LDLRAD3: variants seen among roughly 807,000 people sequenced by gnomAD.
The protein encoded by LDLRAD3 is low-density lipoprotein receptor class A domain-containing protein 3.
In LDLRAD3, 20 loss-of-function variants were observed where a neutral mutation model predicts 29.4. The ratio of observed to expected loss-of-function variants is 0.68; its 90% CI spans 0.48 to 0.99. The LOEUF (loss-of-function observed/expected upper bound fraction) is 0.99, where lower values mean the gene tolerates loss of function less well. Ranked by LOEUF, LDLRAD3 falls within the 50% of genes least tolerant of loss-of-function variation. LDLRAD3 has a pLI of 0.00. For synonymous variants in LDLRAD3, 157 were observed against 192.7 expected (o/e 0.81, Z 1.53); for missense variants, 420 against 454.3 (o/e 0.92, Z 0.69).
chr11:36,011,712 TA>T (rs1227389960), intron 1 of LDLRAD3, among the ~76,000 whole-genome samples: 9 of 152,364 alleles, frequency 5.9e-5, no homozygotes, highest in Admixed American at 5.9e-4. Context: ...GCGAGCCAGT[TA>T]GAGCCTGATT....
chr11:36,137,302 C>T (rs1854018366), intron 4 of LDLRAD3, among the ~76,000 whole-genome samples: 1 of 152,152 alleles, frequency 6.6e-6, no homozygotes, highest in African/African-American at 2.4e-5. Flanking sequence ...ATATCCTTTG[C>T]CTGCCTGAAC....
At chr11:36,216,036 A>G (rs4756297) in intron 4 of LDLRAD3, among the ~76,000 whole-genome samples, 110,839 of 152,134 alleles carry the variant, frequency 0.73, 40,423 homozygotes, top group Admixed American at 0.76. Context: ...CAGCCCCCAC[A>G]GTGGCATCTC....
At chr11:36,218,840 A>G (rs559079009) in intron 4 of LDLRAD3, among the ~76,000 whole-genome samples, 7 of 152,360 alleles carry the variant, frequency 4.6e-5, no homozygotes, top group South Asian at 2.1e-4. Flanking sequence ...AGGTACTTCA[A>G]TAGAGGTTTG....
intron 4 of LDLRAD3, among the ~76,000 whole-genome samples, chr11:36,199,121 T>C (rs10768197): frequency 0.88 from 133,962 of 152,040 alleles, 59,181 homozygotes; most frequent in East Asian, 0.97. Flanking sequence ...AGGATGGTCT[T>C]GATCTCCTAA....
intron 4 of LDLRAD3, among the ~76,000 whole-genome samples, chr11:36,115,862 A>G (rs1307063568): frequency 6.6e-6 from 1 of 152,220 alleles, no homozygotes; most frequent in African/African-American, 2.4e-5. Flanking sequence ...TTTTAAAAAT[A>G]AAGTCCTTCT....
At chr11:36,063,194 T>C (rs537762786) in intron 2 of LDLRAD3, among the ~76,000 whole-genome samples, 5 of 152,344 alleles carry the variant, frequency 3.3e-5, no homozygotes, top group African/African-American at 1.2e-4. Context: ...TGCCTAACTT[T>C]GCCTGGGGAG....
At chr11:36,224,821 G>C (rs1233488661) in intron 4 of LDLRAD3, among the ~76,000 whole-genome samples, 4 of 152,140 alleles carry the variant, frequency 2.6e-5, no homozygotes, top group Admixed American at 2.0e-4. Context: ...GTGTTTCGCA[G>C]GTTTGTGGTT....
chr11:36,183,751 A>G (rs1325690268), intron 4 of LDLRAD3, among the ~76,000 whole-genome samples: 1 of 152,094 alleles, frequency 6.6e-6, no homozygotes, highest in African/African-American at 2.4e-5. Flanking sequence ...ACCTCAATCC[A>G]TATCTGTTAA....
At chr11:36,207,616 C>CAA (rs1271375657) in intron 4 of LDLRAD3, among the ~76,000 whole-genome samples, 1 of 152,072 alleles carries the variant, frequency 6.6e-6, no homozygotes, top group African/African-American at 2.4e-5. Flanking sequence ...TGCCACTGCA[C>CAA]TCCAGCCTGG....
intron 4 of LDLRAD3, among the ~76,000 whole-genome samples, chr11:36,105,736 G>A (rs767965389): frequency 3.9e-5 from 6 of 152,238 alleles, no homozygotes; most frequent in South Asian, 2.1e-4. Flanking sequence ...ATTCTCTCTC[G>A]CAGCCCTCTG....
In LDLRAD3 at chr11:36,043,103, A is replaced by G. The variant is rs534812472; in HGVS notation, c.193+6854A>G. ...AAGGTGGGCAGATCGTTTGAGCCCA[A>G]GAATTTGAGACCAGCCTGGGCAACA... On this transcript the variant is annotated intron_variant, in intron 2 of 5. Coordinates refer to ENST00000315571, the MANE Select transcript of LDLRAD3 (RefSeq NM_174902.4). Among the ~76,000 whole-genome samples the G allele has an allele frequency of 6.6e-5, 10 of 152,314 alleles. No homozygotes were observed. The South Asian group carries it at 1.9e-3, about 28-fold the overall frequency.
At chr11:36,044,516 C>T (rs1334680276) in intron 2 of LDLRAD3, among the ~76,000 whole-genome samples, 1 of 152,208 alleles carries the variant, frequency 6.6e-6, no homozygotes, top group Non-Finnish European at 1.5e-5. Flanking sequence ...CCAACACCTC[C>T]ATCCTCCGCT....
intron 4 of LDLRAD3, among the ~76,000 whole-genome samples, chr11:36,135,066 C>A (rs144444185): frequency 1.3e-5 from 2 of 152,262 alleles, no homozygotes; most frequent in Admixed American, 1.3e-4. Context: ...GTTGTAGGTG[C>A]AGCAAAAGAA....
intron 2 of LDLRAD3, among the ~76,000 whole-genome samples, chr11:36,068,044 A>G (rs921570685): frequency 7.2e-5 from 11 of 151,914 alleles, no homozygotes; most frequent in African/African-American, 2.7e-4. Flanking sequence ...TCATCTGCTT[A>G]TTGTCTCTTT....
intron 2 of LDLRAD3, among the ~76,000 whole-genome samples, chr11:36,080,904 T>G (rs1329098553): frequency 6.6e-6 from 1 of 152,170 alleles, no homozygotes; most frequent in Non-Finnish European, 1.5e-5. Flanking sequence ...AGAGACTCAG[T>G]ATCCAGAATT....
chr11:36,152,295 A>T (rs543617198), intron 4 of LDLRAD3, among the ~76,000 whole-genome samples: 1 of 152,368 alleles, frequency 6.6e-6, no homozygotes, highest in East Asian at 1.9e-4. Context: ...AGTCAGTTAT[A>T]AAACCAGATG....
At chr11:36,172,603 AT>A (rs1405223184) in intron 4 of LDLRAD3, among the ~76,000 whole-genome samples, 1 of 151,266 alleles carries the variant, frequency 6.6e-6, no homozygotes, top group Non-Finnish European at 1.5e-5. Flanking sequence ...TTTGTTTTTG[AT>A]TTTGTTTATG....
At chr11:36,054,900 AATGGATGGATG>A (rs1852590081) in intron 2 of LDLRAD3, among the ~76,000 whole-genome samples, 1 of 89,284 alleles carries the variant, frequency 1.1e-5, no homozygotes, top group Middle Eastern at 8.2e-3. Context: ...TGGATGGATG[AATGGATGGATG>A]ATGGATACAT....
intron 4 of LDLRAD3, among the ~76,000 whole-genome samples, chr11:36,205,611 T>G (rs1306490835): frequency 6.6e-6 from 1 of 152,236 alleles, no homozygotes; most frequent in African/African-American, 2.4e-5. Flanking sequence ...AGAGCTGTTG[T>G]CTGCCATCAA....
Sources: gnomAD v4.1 joint callset for allele counts (sites outside exome capture counted in the v4.1 genomes callset) on GRCh38, gnomAD v4.1.1 for gene constraint, MANE v1.5 for transcripts, NCBI Gene and HGNC (gene_info 2026-07-23, HGNC 2026-07-21) for gene names.